SUCLG2: variants seen among roughly 807,000 people sequenced by gnomAD.
The protein encoded by SUCLG2 is succinate--CoA ligase [GDP-forming] subunit beta, mitochondrial.
SUCLG2 carries 42 observed loss-of-function variants against 47.9 expected under a neutral mutation model. That is an observed-to-expected ratio of 0.88 (90% CI 0.69 to 1.14). SUCLG2 has a LOEUF of 1.14. Ranked by LOEUF, SUCLG2 falls within the 50% of genes most tolerant of loss-of-function variation. The pLI is 0.00. For missense variants in SUCLG2, 571 were observed against 525.9 expected (o/e 1.09, Z -0.84); for synonymous variants, 195 against 197.3 (o/e 0.99, Z 0.10).
In SUCLG2 at chr3:67,400,717, C is replaced by T. The variant is rs1487682777; in HGVS notation, c.1183+14G>A. 6.8e-6 allele frequency: 11 copies of T among 1,610,068 alleles called. No individual in the cohort carries two copies. The highest frequency in any genetic ancestry group is 7.6e-6 in the Non-Finnish European group (9 of 1,179,546). Reference sequence around the variant, plus strand: ...GAAGGGGTGCTGGCACAGCGGAAATCTACCATGACTCACCTTCAAGCCGGA... The same window carrying T: ...GAAGGGGTGCTGGCACAGCGGAAATTTACCATGACTCACCTTCAAGCCGGA... On this transcript the variant is annotated intron_variant, in intron 10 of 10. Transcript: ENST00000307227.
intron 4 of SUCLG2, among the ~76,000 whole-genome samples, chr3:67,523,622 T>C (rs575041208): frequency 1.3e-5 from 2 of 152,334 alleles, no homozygotes; most frequent in South Asian, 4.1e-4. Flanking sequence ...AGTCTGCCTT[T>C]CTAAGCATCA....
intron 2 of SUCLG2, among the ~76,000 whole-genome samples, chr3:67,561,352 A>G (rs1319222196): frequency 1.3e-5 from 2 of 152,130 alleles, no homozygotes; most frequent in East Asian, 3.9e-4. Flanking sequence ...GGTCTTTAAC[A>G]TCTTTTGCTT....
chr3:67,395,593 T>C (rs912346141), intron 10 of SUCLG2, among the ~76,000 whole-genome samples: 6 of 152,210 alleles, frequency 3.9e-5, no homozygotes, highest in African/African-American at 1.4e-4. Context: ...CACCTCACTG[T>C]CAACATTAGA....
intron 2 of SUCLG2, among the ~76,000 whole-genome samples, chr3:67,557,565 A>ATAAATAAATAAC (rs1280688300): frequency 4.6e-5 from 7 of 152,164 alleles, no homozygotes; most frequent in East Asian, 3.9e-4. Flanking sequence ...TTTTATTTGA[A>ATAAATAAATAAC]CTTACTTTAT....
chr3:67,455,907 T>C lies in SUCLG2; in HGVS notation c.1062+39891A>G, dbSNP rs1687168060. 2.0e-5 allele frequency among the ~76,000 whole-genome samples: 3 copies of C among 152,210 alleles called. No individual in the cohort carries two copies. In the South Asian group the frequency reaches 6.2e-4, roughly 32 times the overall value. On this transcript the variant is annotated intron_variant, in intron 9 of 10. Transcript: ENST00000307227. ...AGGATATGTGGGGTAAGGGGCACTG[T>C]TGTGCCCAAGGCTCTTCAAATTTAA...
chr3:67,620,086 T>C (rs1559599960), intron 1 of SUCLG2, among the ~76,000 whole-genome samples: 1 of 152,210 alleles, frequency 6.6e-6, no homozygotes, highest in Non-Finnish European at 1.5e-5. Flanking sequence ...GACCTATACT[T>C]TGTTCATTCA....
chr3:67,404,317 C>A (rs1702754568), intron 9 of SUCLG2, among the ~76,000 whole-genome samples: 1 of 151,052 alleles, frequency 6.6e-6, no homozygotes, highest in South Asian at 2.1e-4. Flanking sequence ...AAATACAGAA[C>A]AACCATGAGA....
intron 10 of SUCLG2, chr3:67,360,846 T>G (rs1701793804): frequency 1.4e-5 from 16 of 1,162,836 alleles, no homozygotes; most frequent in Non-Finnish European, 1.6e-5. Context: ...ATGGTATTCC[T>G]AAGATCCTGT....
At chr3:67,464,879 C>T (rs768650996) in intron 9 of SUCLG2, among the ~76,000 whole-genome samples, 12 of 152,112 alleles carry the variant, frequency 7.9e-5, no homozygotes, top group Non-Finnish European at 1.2e-4. Flanking sequence ...ATGAAAGCTG[C>T]CAGCATGGTG....
intron 7 of SUCLG2, among the ~76,000 whole-genome samples, chr3:67,504,654 A>G (rs1705590107): frequency 6.6e-6 from 1 of 152,144 alleles, no homozygotes; most frequent in African/African-American, 2.4e-5. Flanking sequence ...CCACGCCAGT[A>G]GCATAGCCTC....
chr3:67,541,398 A>C (rs1425215532), intron 2 of SUCLG2, among the ~76,000 whole-genome samples: 1 of 152,188 alleles, frequency 6.6e-6, no homozygotes, highest in African/African-American at 2.4e-5. Context: ...ACAAGTATCA[A>C]TAGCTAGATC....
chr3:67,442,303 C>G (rs1437254598), intron 9 of SUCLG2, among the ~76,000 whole-genome samples: 1 of 152,192 alleles, frequency 6.6e-6, no homozygotes, highest in Non-Finnish European at 1.5e-5. Flanking sequence ...AGCCACCGCG[C>G]CCGGCCAGGC....
At chr3:67,416,784 C>T (rs1237618930) in intron 9 of SUCLG2, among the ~76,000 whole-genome samples, 1 of 152,146 alleles carries the variant, frequency 6.6e-6, no homozygotes, top group Admixed American at 6.5e-5. Context: ...ACTTTAAACC[C>T]TCCAAAGTTC....
intron 2 of SUCLG2, among the ~76,000 whole-genome samples, chr3:67,597,492 G>C (rs1266708500): frequency 6.6e-6 from 1 of 152,120 alleles, no homozygotes; most frequent in Non-Finnish European, 1.5e-5. Flanking sequence ...AGATGAATGG[G>C]AAAGTTTTAG....
chr3:67,578,837 G>A (rs562513236), intron 2 of SUCLG2, among the ~76,000 whole-genome samples: 38 of 152,294 alleles, frequency 2.5e-4, no homozygotes, highest in African/African-American at 8.7e-4. Flanking sequence ...GACCCAGAGG[G>A]TCTGATGGGA....
chr3:67,641,460 T>C (rs1701098446), intron 1 of SUCLG2, among the ~76,000 whole-genome samples: 1 of 152,118 alleles, frequency 6.6e-6, no homozygotes, highest in South Asian at 2.1e-4. Context: ...GGTGCAAAGT[T>C]ACAAATTTCA....
At chr3:67,575,730 C>G (rs1422779436) in intron 2 of SUCLG2, among the ~76,000 whole-genome samples, 2 of 152,060 alleles carry the variant, frequency 1.3e-5, no homozygotes, top group African/African-American at 4.8e-5. Flanking sequence ...AGAAAGCTAG[C>G]CAACAAGGAC....
chr3:67,432,667 G>C (rs1703516917), intron 9 of SUCLG2, among the ~76,000 whole-genome samples: 1 of 152,032 alleles, frequency 6.6e-6, no homozygotes, highest in Admixed American at 6.6e-5. Context: ...ATCCAACATG[G>C]TGACCCCGAT....
At chr3:67,413,202 G>A (rs932098407) in intron 9 of SUCLG2, among the ~76,000 whole-genome samples, 8 of 152,170 alleles carry the variant, frequency 5.3e-5, no homozygotes, top group African/African-American at 1.7e-4. Context: ...CTTGGGTCCT[G>A]TCCATTACAA....
Sources: gnomAD v4.1 joint callset for allele counts (sites outside exome capture counted in the v4.1 genomes callset) on GRCh38, gnomAD v4.1.1 for gene constraint, MANE v1.5 for transcripts, NCBI Gene and HGNC (gene_info 2026-07-23, HGNC 2026-07-21) for gene names.